VGLL4: variants seen among roughly 807,000 people sequenced by gnomAD.
VGLL4 encodes the protein transcription cofactor vestigial-like protein 4.
VGLL4 carries 7 observed loss-of-function variants against 21.0 expected under a neutral mutation model. The observed-to-expected ratio is 0.33, with a 90% CI of 0.19 to 0.63. VGLL4 has a LOEUF of 0.63. Among genes scored for constraint, VGLL4 ranks in the 20% least tolerant of loss-of-function variants. VGLL4 has a pLI of 0.78. For missense variants in VGLL4, 394 were observed against 425.7 expected (o/e 0.93, Z 0.66); for synonymous variants, 222 against 173.2 (o/e 1.28, Z -2.21).
intron 1 of VGLL4, among the ~76,000 whole-genome samples, chr3:11,613,318 C>T (rs1018763773): frequency 4.6e-5 from 7 of 152,016 alleles, no homozygotes; most frequent in Non-Finnish European, 1.0e-4. Context: ...CCAGAGGGTA[C>T]GACTGCCACA....
intron 2 of VGLL4, among the ~76,000 whole-genome samples, chr3:11,584,980 C>T (rs1178544555): frequency 6.6e-6 from 1 of 152,104 alleles, no homozygotes; most frequent in Non-Finnish European, 1.5e-5. Context: ...GGTGACCTTC[C>T]TAGGTCCTAT....
intron 2 of VGLL4, among the ~76,000 whole-genome samples, chr3:11,572,211 T>G (rs2073802951): frequency 6.6e-6 from 1 of 152,242 alleles, no homozygotes; most frequent in East Asian, 1.9e-4. Flanking sequence ...ATGCTAGACC[T>G]CATCTTAGTA....
chr3:11,642,385 G>A (rs1470198281), intron 1 of VGLL4, among the ~76,000 whole-genome samples: 1 of 152,106 alleles, frequency 6.6e-6, no homozygotes, highest in Non-Finnish European at 1.5e-5. Flanking sequence ...CAGGCCTGAA[G>A]TTTTTAGATT....
At chr3:11,638,408 C>T (rs2075628352) in intron 1 of VGLL4, among the ~76,000 whole-genome samples, 1 of 151,978 alleles carries the variant, frequency 6.6e-6, no homozygotes, top group Admixed American at 6.5e-5. Context: ...GGTATAATCA[C>T]ACCTTCCTTC....
rs572050368 is a variant in VGLL4, at chr3:11,717,637, G to A, written c.-14+2757C>T. Among the ~76,000 whole-genome samples the A allele has an allele frequency of 1.5e-4, 22 of 151,706 alleles. No individual in the cohort carries two copies. The South Asian group carries it at 4.0e-3, about 27-fold the overall frequency. On this transcript the variant is annotated intron_variant, in intron 1 of 5. Transcript: ENST00000273038. ...ATTACATAGGTGAAACACCGCGCCCGGCCCAGAACATTTAAAAGTGAAAGT... is the reference window on the plus strand; with the variant it reads ...ATTACATAGGTGAAACACCGCGCCCAGCCCAGAACATTTAAAAGTGAAAGT...
At chr3:11,564,293 A>G (rs1244851377) in intron 3 of VGLL4, among the ~76,000 whole-genome samples, 5 of 152,308 alleles carry the variant, frequency 3.3e-5, no homozygotes, top group South Asian at 4.1e-4. Context: ...TAGGCTTCTG[A>G]CCAGCATGGG....
In VGLL4 at chr3:11,627,230, A is replaced by ACT. The variant is rs1221460234; in HGVS notation, c.82+16205_82+16206dup. 876 of 123,250 alleles carry ACT rather than the reference A, an allele frequency of 7.1e-3. 5 individuals carry two copies. The highest frequency in any genetic ancestry group is 0.029 in the Middle Eastern group (7 of 240). 7.6% of individuals were successfully genotyped at this position (123,250 alleles called of 1,614,324 possible). ...CACACACACACACACACACACACAC[A>ACT]CTCTCTCTCTCTCTCTCTCTGTCGG... is the stretch of plus-strand genomic sequence containing the variant. On this transcript the variant is annotated intron_variant, in intron 1 of 4. Transcript: ENST00000430365.
At chr3:11,630,935 G>C (rs1001982707) in intron 1 of VGLL4, among the ~76,000 whole-genome samples, 7 of 146,400 alleles carry the variant, frequency 4.8e-5, no homozygotes, top group African/African-American at 1.9e-4. Flanking sequence ...CTTGGCCACA[G>C]AATAAACAAT....
At chr3:11,697,912 C>T (rs200411057) in intron 2 of VGLL4, among the ~76,000 whole-genome samples, 1 of 152,184 alleles carries the variant, frequency 6.6e-6, no homozygotes, top group East Asian at 1.9e-4. Flanking sequence ...GCTGTCCTTG[C>T]CACATCACTC....
Position 11,668,201 on chromosome 3 carries a change from T to TATAA in VGLL4, c.64+34766_64+34769dup, listed in dbSNP as rs565709100. Among the ~76,000 whole-genome samples the TATAA allele has an allele frequency of 7.9e-3, 1,207 of 152,006 alleles. 13 individuals carry two copies. Among genetic ancestry groups the TATAA allele is most frequent in the African/African-American group, 0.025 (1,047 of 41,452 alleles). ...CAGGAAACAACTCATTTCTTCAAGATATAAATAAATAAATAAATAAAGAGC... is the reference window on the plus strand; with the variant it reads ...CAGGAAACAACTCATTTCTTCAAGATATAAATAAATAAATAAATAAATAAAGAGC... On this transcript the variant is annotated intron_variant, in intron 2 of 5. Coordinates refer to the VGLL4 transcript ENST00000273038.
intron 2 of VGLL4, among the ~76,000 whole-genome samples, chr3:11,666,047 G>T (rs369864486): frequency 2.0e-5 from 3 of 152,040 alleles, no homozygotes; most frequent in Non-Finnish European, 4.4e-5. Flanking sequence ...TCAGGAGATC[G>T]AGACCATCCT....
Position 11,558,294 on chromosome 3 carries a change from G to GT in VGLL4, c.*261dup. On this transcript the variant is annotated 3_prime_UTR_variant, in exon 5 of 5. Coordinates refer to ENST00000430365, the MANE Select transcript of VGLL4 (RefSeq NM_001128219.3). Reference sequence around the variant, plus strand: ...CAGACCTGCATCAGAGGTTTCTTTGGTAACTGAGGCAGGAAGTAAGGATGC... The same window carrying GT: ...CAGACCTGCATCAGAGGTTTCTTTGGTTAACTGAGGCAGGAAGTAAGGATGC... The GT allele has an allele frequency of 1.7e-6, 1 of 572,512 alleles. No individual in the cohort carries two copies. The highest frequency in any genetic ancestry group is 2.7e-5 in the South Asian group (1 of 37,062). 35.5% of individuals were successfully genotyped at this position (572,512 alleles called of 1,614,324 possible).
At chr3:11,674,369 G>A (rs923665405) in intron 2 of VGLL4, among the ~76,000 whole-genome samples, 1 of 152,188 alleles carries the variant, frequency 6.6e-6, no homozygotes, top group African/African-American at 2.4e-5. Flanking sequence ...ACACGGAACT[G>A]CGGCTAGAGA....
At chr3:11,688,315 A>G (rs1260984897) in intron 2 of VGLL4, among the ~76,000 whole-genome samples, 7 of 152,196 alleles carry the variant, frequency 4.6e-5, no homozygotes, top group Admixed American at 4.6e-4. Context: ...AAAGTGCTCT[A>G]TACTATAAAA....
chr3:11,630,510 G>A (rs980541701), intron 1 of VGLL4, among the ~76,000 whole-genome samples: 1 of 152,134 alleles, frequency 6.6e-6, no homozygotes, highest in African/African-American at 2.4e-5. Context: ...GATGGGCGTG[G>A]TGGCGGGCGC....
intron 2 of VGLL4, among the ~76,000 whole-genome samples, chr3:11,576,107 A>G (rs1392472663): frequency 2.6e-5 from 4 of 152,248 alleles, no homozygotes; most frequent in Non-Finnish European, 4.4e-5. Context: ...GGCTGAGAAC[A>G]TGACCGGTAA....
Position 11,601,974 on chromosome 3 carries a change from G to T in VGLL4, c.131C>A (p.Ala44Asp), listed in dbSNP as rs769746896. The T allele has an allele frequency of 6.2e-7, 1 of 1,606,838 alleles. No homozygotes were observed. The highest frequency in any genetic ancestry group is 1.7e-5 in the Admixed American group (1 of 58,188). Residue 44 changes from alanine (A) to aspartate (D), a missense_variant, in exon 2 of 5, where the codon GCC (alanine) becomes GAC (aspartate). Transcript: ENST00000430365. ...GEPRIQTLPV[A>D]SALSSHRTGP... The stretch of plus-strand genomic sequence containing the variant: ...GGTGCGGTGACTGCTGAGGGCAGAG[G>T]CCACCGGCAGGGTCTGTATTCTGGG...
chr3:11,690,460 T>G (rs1325189701), intron 2 of VGLL4, among the ~76,000 whole-genome samples: 1 of 152,228 alleles, frequency 6.6e-6, no homozygotes, highest in Non-Finnish European at 1.5e-5. Context: ...TAATTTAAAA[T>G]GCTTTATTCA....
At chr3:11,603,206 A>G (rs946643299) in intron 1 of VGLL4, among the ~76,000 whole-genome samples, 4 of 152,240 alleles carry the variant, frequency 2.6e-5, no homozygotes, top group African/African-American at 9.6e-5. Flanking sequence ...AAACCCTCTG[A>G]ATATTTACCA....
Sources: gnomAD v4.1 joint callset for allele counts (sites outside exome capture counted in the v4.1 genomes callset) on GRCh38, gnomAD v4.1.1 for gene constraint, MANE v1.5 for transcripts, NCBI Gene and HGNC (gene_info 2026-07-23, HGNC 2026-07-21) for gene names.